The following EPB41L5 variants were observed in gnomAD, a reference collection of about 807,000 sequenced individuals.
EPB41L5 encodes the protein band 4.1-like protein 5.
EPB41L5 carries 55 observed loss-of-function variants against 106.6 expected under a neutral mutation model. That is an observed-to-expected ratio of 0.52 (90% CI 0.42 to 0.65). EPB41L5 has a LOEUF of 0.65. Among genes scored for constraint, EPB41L5 ranks in the 30% least tolerant of loss-of-function variants. The probability of loss-of-function intolerance (pLI) is 0.00; values close to 1 mark genes in which losing one functional copy is unlikely to be tolerated. For synonymous variants in EPB41L5, 297 were observed against 306.7 expected (o/e 0.97, Z 0.33); for missense variants, 871 against 882.1 (o/e 0.99, Z 0.16).
chr2:120,105,938 A>G (rs1391200154), intron 16 of EPB41L5: 1 of 985,442 alleles, frequency 1.0e-6, no homozygotes, highest in Non-Finnish European at 1.2e-6. Flanking sequence ...TTTCTATAGT[A>G]AAAACCAAAG....
intron 18 of EPB41L5, among the ~76,000 whole-genome samples, chr2:120,134,895 A>G (rs1022012831): frequency 6.6e-6 from 1 of 152,190 alleles, no homozygotes; most frequent in Non-Finnish European, 1.5e-5. Context: ...TTTAATGCCC[A>G]GACATAAACA....
chr2:120,074,789 A>G (rs1468504684), intron 5 of EPB41L5, among the ~76,000 whole-genome samples: 1 of 152,218 alleles, frequency 6.6e-6, no homozygotes, highest in East Asian at 1.9e-4. Context: ...ACACCTTGAC[A>G]ATGAGATAGT....
chr2:120,078,481 C>T lies in EPB41L5; in HGVS notation c.715-12C>T, dbSNP rs199964935. On this transcript the variant is annotated splice_polypyrimidine_tract_variant and intron_variant, in intron 9 of 24. Coordinates refer to ENST00000263713, the MANE Select transcript of EPB41L5 (RefSeq NM_020909.4). ...CAAATAAAGCTAACACATTTTTCTC[C>T]CCTTAAATTAGGCTAGAGATGGGAA... The T allele has an allele frequency of 5.1e-6, 8 of 1,563,372 alleles. No individual in the cohort carries two copies. The highest frequency in any genetic ancestry group is 7.0e-6 in the Non-Finnish European group (8 of 1,150,918).
At chr2:120,096,554 C>T (rs140170159) in intron 14 of EPB41L5, among the ~76,000 whole-genome samples, 1,769 of 152,202 alleles carry the variant, frequency 0.012, 19 homozygotes, top group South Asian at 0.04. Flanking sequence ...CTTTGGGAGG[C>T]CAAGGCAGGC....
At chr2:120,153,033 C>T (rs949402651) in intron 20 of EPB41L5, among the ~76,000 whole-genome samples, 1 of 152,060 alleles carries the variant, frequency 6.6e-6, no homozygotes, top group Non-Finnish European at 1.5e-5. Context: ...AGTGGACTAA[C>T]TTTTGGATTT....
intron 18 of EPB41L5, among the ~76,000 whole-genome samples, chr2:120,136,493 G>T (rs1685930546): frequency 6.9e-6 from 1 of 145,256 alleles, no homozygotes; most frequent in South Asian, 2.1e-4. Context: ...AGCCCCCAAT[G>T]ATCAGCTGCC....
At chr2:120,162,044 G>A (rs1420190879) in intron 21 of EPB41L5, among the ~76,000 whole-genome samples, 1 of 152,172 alleles carries the variant, frequency 6.6e-6, no homozygotes, top group Non-Finnish European at 1.5e-5. Context: ...CCCTCAGGCT[G>A]GTCTCAAACT....
intron 1 of EPB41L5, among the ~76,000 whole-genome samples, chr2:120,017,792 A>G (rs2105113987): frequency 6.6e-6 from 1 of 152,272 alleles, no homozygotes; most frequent in East Asian, 1.9e-4. Context: ...CAGAAAAGAA[A>G]TGGAACTTCT....
At chr2:120,080,142 G>T (rs568092969) in intron 10 of EPB41L5, among the ~76,000 whole-genome samples, 1 of 150,674 alleles carries the variant, frequency 6.6e-6, no homozygotes, top group South Asian at 2.1e-4. Context: ...AAGTTCTAGG[G>T]TACATGTGCA....
chr2:120,046,460 G>A (rs1679781747), intron 3 of EPB41L5, among the ~76,000 whole-genome samples: 1 of 150,924 alleles, frequency 6.6e-6, no homozygotes, highest in Non-Finnish European at 1.5e-5. Flanking sequence ...GTGTTCTTTT[G>A]AGAAGTGTCT....
At chr2:120,068,135 C>T (rs1190326428) in intron 3 of EPB41L5, among the ~76,000 whole-genome samples, 5 of 152,120 alleles carry the variant, frequency 3.3e-5, no homozygotes, top group Admixed American at 6.5e-5. Context: ...GAGGGCAAGC[C>T]GAAGCAGAGT....
chr2:120,138,431 A>G (rs1350188377), intron 18 of EPB41L5, among the ~76,000 whole-genome samples: 3 of 152,010 alleles, frequency 2.0e-5, no homozygotes, highest in African/African-American at 7.2e-5. Context: ...ACTATTTTAT[A>G]TTTGGAAAAA....
At chr2:120,112,786 A>G (rs1684780719) in intron 16 of EPB41L5, among the ~76,000 whole-genome samples, 1 of 152,234 alleles carries the variant, frequency 6.6e-6, no homozygotes, top group Admixed American at 6.5e-5. Context: ...TGTGCCAGAC[A>G]TTGTTCTGGA....
At chr2:120,156,212 C>T (rs1686894181) in intron 20 of EPB41L5, among the ~76,000 whole-genome samples, 1 of 152,154 alleles carries the variant, frequency 6.6e-6, no homozygotes, top group Admixed American at 6.5e-5. Flanking sequence ...ACTGAGCACC[C>T]CTTGGTCTGA....
intron 19 of EPB41L5, among the ~76,000 whole-genome samples, chr2:120,143,630 A>G (rs755956539): frequency 2.3e-4 from 35 of 152,056 alleles, no homozygotes; most frequent in Admixed American, 2.6e-4. Context: ...TAAAACCAGG[A>G]CAGAAGCCTG....
chr2:120,115,046 C>G (rs987309906), intron 16 of EPB41L5, among the ~76,000 whole-genome samples: 1 of 152,066 alleles, frequency 6.6e-6, no homozygotes, highest in African/African-American at 2.4e-5. Flanking sequence ...TTTTATCTTA[C>G]AGTTTCTTTT....
intron 20 of EPB41L5, among the ~76,000 whole-genome samples, chr2:120,156,742 A>G (rs539529580): frequency 3.3e-5 from 5 of 152,354 alleles, no homozygotes; most frequent in East Asian, 1.9e-4. Flanking sequence ...AGAACTAACT[A>G]TCCTAAATAT....
Position 120,058,075 on chromosome 2 carries a change from T to C in EPB41L5, c.286-15103T>C, listed in dbSNP as rs115063128. On this transcript the variant is annotated intron_variant, in intron 3 of 24. Coordinates refer to ENST00000263713, the MANE Select transcript of EPB41L5 (RefSeq NM_020909.4). ...GAAGGGAAGCAGGTTGGTGTGCACA[T>C]TAAAGATTTTGCATGGTTATTTACT... Among the ~76,000 whole-genome samples the C allele has an allele frequency of 4.5e-3, 692 of 152,260 alleles. 7 individuals are homozygous for C. Among genetic ancestry groups the C allele is most frequent in the African/African-American group, 0.014 (594 of 41,540 alleles).
chr2:120,105,301 T>A, intron 16 of EPB41L5: 1 of 962,118 alleles, frequency 1.0e-6, no homozygotes, highest in Non-Finnish European at 1.2e-6. Flanking sequence ...ATTTTCAAAT[T>A]TTTAAACTAT....
Sources: allele counts gnomAD v4.1 joint callset (sites outside exome capture counted in the v4.1 genomes callset), GRCh38; gene constraint gnomAD v4.1.1; transcripts MANE v1.5; gene names NCBI Gene and HGNC (gene_info 2026-07-23, HGNC 2026-07-21).